The following CDH8 variants were observed in gnomAD, a reference collection of about 807,000 sequenced individuals.
CDH8 encodes the protein cadherin 8.
CDH8 carries 17 observed loss-of-function variants against 68.1 expected under a neutral mutation model. The observed-to-expected ratio is 0.25, with a 90% CI of 0.17 to 0.37. The LOEUF is 0.37. CDH8 is among the 10% of genes least tolerant of loss of function. The pLI is 1.00. For synonymous variants in CDH8, 372 were observed against 365.1 expected, an observed-to-expected ratio of 1.02 and a Z score of -0.21; for missense variants, 763 against 999.3, an observed-to-expected ratio of 0.76 and a Z score of 3.19.
At chr16:61,940,018 T>A (rs1020285189) in intron 2 of CDH8, among the ~76,000 whole-genome samples, 1 of 152,058 alleles carries the variant, frequency 6.6e-6, no homozygotes, top group African/African-American at 2.4e-5. Flanking sequence ...ACAAAAGAGG[T>A]GCATTCCCTT....
In CDH8 at chr16:61,655,152, A is replaced by C. The variant is rs558762102; in HGVS notation, c.1906+318T>G. Among the ~76,000 whole-genome samples, 5 of 152,296 alleles carry C rather than the reference A, an allele frequency of 3.3e-5. No individual in the cohort carries two copies. In the South Asian group the frequency reaches 1.0e-3, roughly 32 times the overall value. ...CAGTGAACTGGTGTGCCTCACACCC[A>C]GAGTTCTTCTTATGCACTAGATGGT... On this transcript the variant is annotated intron_variant, in intron 11 of 11. Transcript: ENST00000577390.
intron 2 of CDH8, among the ~76,000 whole-genome samples, chr16:61,927,972 C>A (rs1184454127): frequency 6.6e-6 from 1 of 152,228 alleles, no homozygotes; most frequent in Non-Finnish European, 1.5e-5. Flanking sequence ...TATAACCAGT[C>A]CTTCCCTTCG....
chr16:61,768,140 G>A (rs77266679), intron 8 of CDH8, among the ~76,000 whole-genome samples: 127 of 152,006 alleles, frequency 8.4e-4, no homozygotes, highest in African/African-American at 2.9e-3. Flanking sequence ...TGTTGCAACT[G>A]TTTCTAAAAT....
At chr16:61,955,825 T>C (rs1193731523) in intron 2 of CDH8, among the ~76,000 whole-genome samples, 2 of 152,156 alleles carry the variant, frequency 1.3e-5, no homozygotes, top group Non-Finnish European at 2.9e-5. Flanking sequence ...TATTGGGTTC[T>C]CTCCATGGCA....
rs1045778074 is a variant in CDH8, at chr16:61,914,738, G to T, written c.253-13265C>A. Among the ~76,000 whole-genome samples, 4 of 129,486 alleles carry T rather than the reference G, an allele frequency of 3.1e-5. No homozygotes were observed. In the East Asian group the frequency reaches 6.5e-4, roughly 21 times the overall value. 84.9% of individuals were successfully genotyped at this position (129,486 alleles called of 152,430 possible). ...GAAAGTATAATAATAATAATAAAAAGAGTTAAAAAAAAAAAAAAAAGAATG... is the reference window on the plus strand; with the variant it reads ...GAAAGTATAATAATAATAATAAAAATAGTTAAAAAAAAAAAAAAAAGAATG... On this transcript the variant is annotated intron_variant, in intron 2 of 11. Transcript: ENST00000577390.
In CDH8 at chr16:61,652,958, C is replaced by T; in HGVS notation, c.*650G>A. 1 of 1,520,624 alleles carries T rather than the reference C, an allele frequency of 6.6e-7. No individual in the cohort carries two copies. The highest frequency in any genetic ancestry group is 8.8e-7 in the Non-Finnish European group (1 of 1,140,364). The allele number at this position is 1,520,624 out of a possible 1,614,324, so 94.2% of individuals were successfully genotyped here. ...CCTCCCACCACTGAATTGGCAAGCC[C>T]CACCCTGGAATGGATTACGAACATG... is the stretch of plus-strand genomic sequence containing the variant. On this transcript the variant is annotated 3_prime_UTR_variant, in exon 12 of 12. Transcript: ENST00000577390.
In CDH8 at chr16:61,788,517, T is replaced by G. The variant is rs993528658; in HGVS notation, c.1414+829A>C. Among the ~76,000 whole-genome samples the G allele has an allele frequency of 2.0e-5, 3 of 152,082 alleles. No homozygotes were observed. In the East Asian group the frequency reaches 5.8e-4, roughly 29 times the overall value. ...GAAGCTATTCAGATAATAAGCAACATGTTTTTTGCTAGGAAATAAAATGGA... is the reference window on the plus strand; with the variant it reads ...GAAGCTATTCAGATAATAAGCAACAGGTTTTTTGCTAGGAAATAAAATGGA... On this transcript the variant is annotated intron_variant, in intron 8 of 11. Coordinates refer to ENST00000577390, the MANE Select transcript of CDH8 (RefSeq NM_001796.5).
chr16:61,769,583 C>T lies in CDH8; in HGVS notation c.1414+19763G>A, dbSNP rs932170666. 9.9e-5 allele frequency among the ~76,000 whole-genome samples: 15 copies of T among 151,596 alleles called. 1 individual carries two copies. The South Asian group carries it at 1.9e-3, about 19-fold the overall frequency. On this transcript the variant is annotated intron_variant, in intron 8 of 11. Coordinates refer to ENST00000577390, the MANE Select transcript of CDH8 (RefSeq NM_001796.5). ...CTTAGTAGTTGTCTCATTTCATCCACATACTGAAGAGAATTATGATGTTCA... is the reference window on the plus strand; with the variant it reads ...CTTAGTAGTTGTCTCATTTCATCCATATACTGAAGAGAATTATGATGTTCA...
intron 7 of CDH8, among the ~76,000 whole-genome samples, chr16:61,804,490 G>T (rs1961749729): frequency 1.3e-5 from 2 of 150,758 alleles, no homozygotes; most frequent in Non-Finnish European, 3.0e-5. Context: ...GAAGGAAATA[G>T]AGACACAAAA....
rs535586812 is a variant in CDH8 at position 61,883,952 on chromosome 16, TAGA to T, written c.547+17224_547+17226del. ...AGATAAGAAGCAGAACAGTAAACAG[TAGA>T]AGGTTTTTTTTTAAATAAATGTAGT... On this transcript the variant is annotated intron_variant, in intron 3 of 11. Transcript: ENST00000577390. Among the ~76,000 whole-genome samples the T allele has an allele frequency of 4.7e-3, 526 of 111,942 alleles. 1 individual carries two copies. Among genetic ancestry groups the T allele is most frequent in the Non-Finnish European group, 6.8e-3 (399 of 58,292 alleles). The allele number at this position is 111,942 out of a possible 152,430, so 73.4% of individuals were successfully genotyped here.
intron 3 of CDH8, among the ~76,000 whole-genome samples, chr16:61,888,719 A>C (rs936272696): frequency 1.3e-5 from 2 of 152,210 alleles, no homozygotes; most frequent in Non-Finnish European, 2.9e-5. Context: ...TTAATTAGTC[A>C]TTATGTTAAC....
At chr16:61,691,935 A>C (rs1362208253) in intron 10 of CDH8, 1 of 152,138 alleles carries the variant, frequency 6.6e-6, no homozygotes, top group Non-Finnish European at 1.5e-5. Flanking sequence ...TGCAGGGGAA[A>C]TACATCATTA....
rs573074482 is a variant in CDH8 at position 61,656,341 on chromosome 16, A to G, written c.1655-620T>C. 5.9e-5 allele frequency among the ~76,000 whole-genome samples: 9 copies of G among 152,326 alleles called. No individual in the cohort carries two copies. The East Asian group carries it at 1.7e-3, about 29-fold the overall frequency. On this transcript the variant is annotated intron_variant, in intron 10 of 11. Transcript: ENST00000577390. ...CGAAGACATATATTATCTCATCTCC[A>G]TATACCATATATAAGCTTTATTTTC...
intron 10 of CDH8, among the ~76,000 whole-genome samples, chr16:61,662,856 A>G (rs1475252427): frequency 1.3e-5 from 2 of 151,960 alleles, no homozygotes; most frequent in African/African-American, 4.8e-5. Flanking sequence ...GTCTATACCA[A>G]TAAGCAAATG....
At chr16:61,861,172 G>A (rs61620072) in intron 3 of CDH8, among the ~76,000 whole-genome samples, 3,798 of 152,106 alleles carry the variant, frequency 0.025, 160 homozygotes, top group African/African-American at 0.087. Flanking sequence ...ATAATAAAAT[G>A]GAGACACATT....
chr16:61,793,161 A>G (rs1289499446), intron 7 of CDH8, among the ~76,000 whole-genome samples: 1 of 151,946 alleles, frequency 6.6e-6, no homozygotes, highest in East Asian at 1.9e-4. Flanking sequence ...TCTGCAACCC[A>G]GAAGAGGGCC....
At chr16:62,026,170 T>G (rs1902194263) in intron 1 of CDH8, among the ~76,000 whole-genome samples, 1 of 152,208 alleles carries the variant, frequency 6.6e-6, no homozygotes, top group African/African-American at 2.4e-5. Flanking sequence ...CGAATGACCA[T>G]TAACCAGCTC....
intron 2 of CDH8, among the ~76,000 whole-genome samples, chr16:61,951,385 C>T (rs576644615): frequency 5.9e-5 from 9 of 151,514 alleles, no homozygotes; most frequent in East Asian, 5.9e-4. Flanking sequence ...TGCTGGCGGG[C>T]GCCTATAGTC....
chr16:61,859,118 C>T (rs1050219227), intron 3 of CDH8, among the ~76,000 whole-genome samples: 1 of 152,102 alleles, frequency 6.6e-6, no homozygotes, highest in African/African-American at 2.4e-5. Flanking sequence ...GGAATTTCTA[C>T]TCAGAATGAT....
Sources: allele counts gnomAD v4.1 joint callset (sites outside exome capture counted in the v4.1 genomes callset), GRCh38; gene constraint gnomAD v4.1.1; transcripts MANE v1.5; gene names NCBI Gene and HGNC (gene_info 2026-07-23, HGNC 2026-07-21).